PIP4K2A: variants seen among roughly 807,000 people sequenced by gnomAD.
PIP4K2A encodes the protein phosphatidylinositol 5-phosphate 4-kinase type-2 alpha.
In PIP4K2A, 14 loss-of-function variants were observed where a neutral mutation model predicts 42.9. That is an observed-to-expected ratio of 0.33 (90% CI 0.22 to 0.51). The LOEUF (loss-of-function observed/expected upper bound fraction) is 0.51. PIP4K2A is among the 20% of genes least tolerant of loss of function. The probability of loss-of-function intolerance (pLI) is 0.97; values close to 1 mark genes in which losing one functional copy is unlikely to be tolerated. For missense variants in PIP4K2A, 434 were observed against 519.8 expected, an observed-to-expected ratio of 0.83 and a Z score of 1.61; for synonymous variants, 192 against 192.2, an observed-to-expected ratio of 1.00 and a Z score of 0.01.
At chr10:22,665,682 G>A (rs1839334264) in intron 1 of PIP4K2A, among the ~76,000 whole-genome samples, 1 of 150,400 alleles carries the variant, frequency 6.6e-6, no homozygotes, top group Admixed American at 6.7e-5. Flanking sequence ...CAAACTCTTG[G>A]GCTCAAGCAA....
intron 4 of PIP4K2A, among the ~76,000 whole-genome samples, chr10:22,590,728 G>A (rs543302093): frequency 8.5e-4 from 129 of 152,142 alleles, no homozygotes; most frequent in Non-Finnish European, 1.6e-3. Context: ...AAATTGGCCA[G>A]GCATGGTGGT....
chr10:22,536,818 T>A lies in PIP4K2A; in HGVS notation c.*383A>T, dbSNP rs1044294148. The A allele has an allele frequency of 3.2e-5, 5 of 154,234 alleles. No homozygotes were observed. Among genetic ancestry groups the A allele is most frequent in the African/African-American group, 1.3e-4 (5 of 38,796 alleles). The allele number at this position is 154,234 out of a possible 1,614,324, so 9.6% of individuals were successfully genotyped here. On this transcript the variant is annotated 3_prime_UTR_variant, in exon 10 of 10. Coordinates refer to ENST00000376573, the MANE Select transcript of PIP4K2A (RefSeq NM_005028.5). ...CTTCTCCCCTCCCCCACACGTGTGT[T>A]CATTCACTCACTCACTCACTCACTC...
At chr10:22,551,656 G>A (rs1008664489) in intron 6 of PIP4K2A, among the ~76,000 whole-genome samples, 1 of 152,132 alleles carries the variant, frequency 6.6e-6, no homozygotes, top group African/African-American at 2.4e-5. Flanking sequence ...ACCCCTTTCG[G>A]CTAACCATAG....
intron 1 of PIP4K2A, among the ~76,000 whole-genome samples, chr10:22,652,467 T>C (rs948986076): frequency 2.6e-5 from 4 of 152,200 alleles, no homozygotes; most frequent in African/African-American, 7.2e-5. Context: ...AATAAAACAC[T>C]GAATTGTGAC....
chr10:22,676,599 G>C (rs544181267), intron 1 of PIP4K2A, among the ~76,000 whole-genome samples: 9 of 152,296 alleles, frequency 5.9e-5, no homozygotes, highest in African/African-American at 2.2e-4. Flanking sequence ...AGACTAACCA[G>C]AGGGAATATC....
At chr10:22,650,572 T>C (rs1437916787) in intron 1 of PIP4K2A, among the ~76,000 whole-genome samples, 2 of 152,238 alleles carry the variant, frequency 1.3e-5, no homozygotes, top group African/African-American at 2.4e-5. Flanking sequence ...TCAATTTTAC[T>C]GTGATATTGT....
intron 1 of PIP4K2A, among the ~76,000 whole-genome samples, chr10:22,702,410 A>G (rs1433712382): frequency 6.6e-6 from 1 of 152,228 alleles, no homozygotes; most frequent in East Asian, 1.9e-4. Context: ...ACACTGCAGC[A>G]CACTCTTCTA....
At chr10:22,561,793 G>A (rs1474592580) in intron 6 of PIP4K2A, among the ~76,000 whole-genome samples, 1 of 151,640 alleles carries the variant, frequency 6.6e-6, no homozygotes, top group Non-Finnish European at 1.5e-5. Flanking sequence ...TTGAACTCCC[G>A]AGCTCAGGCT....
intron 6 of PIP4K2A, among the ~76,000 whole-genome samples, chr10:22,551,812 T>C (rs1437345670): frequency 1.3e-5 from 2 of 152,186 alleles, no homozygotes; most frequent in African/African-American, 2.4e-5. Context: ...CCTTCCTGGC[T>C]CCGGCACTGT....
At chr10:22,691,036 G>A (rs1839856810) in intron 1 of PIP4K2A, among the ~76,000 whole-genome samples, 1 of 152,166 alleles carries the variant, frequency 6.6e-6, no homozygotes, top group African/African-American at 2.4e-5. Flanking sequence ...AGACAGAAGA[G>A]GTGGTGGTGT....
At chr10:22,584,971 G>A (rs528228649) in intron 4 of PIP4K2A, among the ~76,000 whole-genome samples, 1 of 152,280 alleles carries the variant, frequency 6.6e-6, no homozygotes, top group South Asian at 2.1e-4. Flanking sequence ...GGGGGCACAT[G>A]AGCATCACCT....
intron 3 of PIP4K2A, among the ~76,000 whole-genome samples, chr10:22,606,166 CT>C (rs1455847140): frequency 7.2e-6 from 1 of 138,800 alleles, no homozygotes; most frequent in Admixed American, 7.3e-5. Context: ...AAAAAATTAG[CT>C]GGGCATGGTG....
chr10:22,682,252 C>A (rs1312226809), intron 1 of PIP4K2A, among the ~76,000 whole-genome samples: 1 of 152,298 alleles, frequency 6.6e-6, no homozygotes, highest in East Asian at 1.9e-4. Flanking sequence ...ACTTAAGAGC[C>A]AAAGTTACTT....
At chr10:22,578,976 T>C (rs1025645319) in intron 4 of PIP4K2A, among the ~76,000 whole-genome samples, 1 of 152,132 alleles carries the variant, frequency 6.6e-6, no homozygotes, top group Non-Finnish European at 1.5e-5. Flanking sequence ...TTCTAGATTT[T>C]GAAAGCAGAA....
intron 4 of PIP4K2A, among the ~76,000 whole-genome samples, chr10:22,580,592 G>T (rs750707328): frequency 2.0e-5 from 3 of 151,998 alleles, no homozygotes; most frequent in Admixed American, 6.5e-5. Flanking sequence ...TCTCTTCTTT[G>T]TAAGAGTTTA....
intron 1 of PIP4K2A, among the ~76,000 whole-genome samples, chr10:22,657,226 A>G (rs1839118611): frequency 6.6e-6 from 1 of 152,222 alleles, no homozygotes; most frequent in Admixed American, 6.5e-5. Flanking sequence ...GCTGGTGGAG[A>G]TAACTCTGTT....
intron 1 of PIP4K2A, among the ~76,000 whole-genome samples, chr10:22,667,372 T>C (rs1469496653): frequency 1.2e-5 from 1 of 81,694 alleles, no homozygotes; most frequent in Non-Finnish European, 3.1e-5. Flanking sequence ...TATTACATAA[T>C]TTTTTATGAA....
At position 22,624,067 on chromosome 10, in the gene PIP4K2A, G is replaced by T. The variant is rs75162215; in HGVS notation, c.145-14350C>A. 1.6e-3 allele frequency among the ~76,000 whole-genome samples: 249 copies of T among 152,250 alleles called. 2 individuals carry two copies. Among genetic ancestry groups the T allele is most frequent in the African/African-American group, 5.8e-3 (241 of 41,530 alleles). ...TGATACTCCAGAGCTATCAAAATGC[G>T]CAAGTCATTTAAAATCTAAGCACTC... is the stretch of plus-strand genomic sequence containing the variant. On this transcript the variant is annotated intron_variant, in intron 1 of 9. Transcript: ENST00000376573.
chr10:22,605,586 T>C (rs1441954736), intron 3 of PIP4K2A, among the ~76,000 whole-genome samples: 1 of 152,232 alleles, frequency 6.6e-6, no homozygotes, highest in Non-Finnish European at 1.5e-5. Flanking sequence ...TTGGATCTCA[T>C]TTGACAGAAT....
Sources: gnomAD v4.1 joint callset for allele counts (sites outside exome capture counted in the v4.1 genomes callset) on GRCh38, gnomAD v4.1.1 for gene constraint, MANE v1.5 for transcripts, NCBI Gene and HGNC (gene_info 2026-07-23, HGNC 2026-07-21) for gene names.